CRY1: variants seen among roughly 807,000 people sequenced by gnomAD.
CRY1 encodes the protein cryptochrome-1.
In CRY1, 45 loss-of-function variants were observed where a neutral mutation model predicts 76.0. That is an observed-to-expected ratio of 0.59 (90% CI 0.47 to 0.76). The LOEUF (loss-of-function observed/expected upper bound fraction) is 0.76, where lower values mean the gene tolerates loss of function less well. Ranked by LOEUF, CRY1 falls within the 30% of genes least tolerant of loss-of-function variation. The pLI, the probability that CRY1 is intolerant of heterozygous loss-of-function variation, is 0.00. For synonymous variants in CRY1, 248 were observed against 244.0 expected (o/e 1.02, Z -0.15); for missense variants, 587 against 716.4 (o/e 0.82, Z 2.06).
At chr12:107,062,380 A>G (rs1953058716) in intron 1 of CRY1, among the ~76,000 whole-genome samples, 1 of 152,178 alleles carries the variant, frequency 6.6e-6, no homozygotes, top group African/African-American at 2.4e-5. Context: ...AGGAAGCAAA[A>G]TGTTGACTAC....
chr12:107,042,458 C>T (rs1952808762), intron 1 of CRY1, among the ~76,000 whole-genome samples: 2 of 152,100 alleles, frequency 1.3e-5, no homozygotes, highest in Admixed American at 6.6e-5. Context: ...TACCACATAT[C>T]CCCTGATATA....
chr12:107,001,617 C>CT, intron 4 of CRY1, 147 bp downstream of exon 4: 1 of 706,360 alleles, frequency 1.4e-6, no homozygotes, highest in Non-Finnish European at 2.3e-6. Flanking sequence ...CATATCACTT[C>CT]TTAAAGGGTT....
chr12:107,003,424 G>C (rs2136825116), intron 3 of CRY1, among the ~76,000 whole-genome samples: 1 of 152,278 alleles, frequency 6.6e-6, no homozygotes, highest in African/African-American at 2.4e-5. Context: ...AGGCCTACCA[G>C]GAGAGTTAAG....
chr12:107,043,844 C>T (rs1174194793), intron 1 of CRY1, among the ~76,000 whole-genome samples: 2 of 152,150 alleles, frequency 1.3e-5, no homozygotes, highest in Non-Finnish European at 1.5e-5. Flanking sequence ...TACACAGTTG[C>T]TCATCCTCTA....
At chr12:107,047,787 T>C (rs565552151) in intron 1 of CRY1, among the ~76,000 whole-genome samples, 2 of 152,086 alleles carry the variant, frequency 1.3e-5, no homozygotes, top group Non-Finnish European at 1.5e-5. Context: ...AACAGACTAA[T>C]ACAAACACCT....
chr12:107,029,727 T>C (rs748736449), intron 1 of CRY1, among the ~76,000 whole-genome samples: 4 of 152,202 alleles, frequency 2.6e-5, no homozygotes, highest in Non-Finnish European at 4.4e-5. Flanking sequence ...CACTGATTTA[T>C]GAGTCATACA....
At chr12:107,086,720 T>C (rs1267651005) in intron 1 of CRY1, among the ~76,000 whole-genome samples, 3 of 152,166 alleles carry the variant, frequency 2.0e-5, no homozygotes, top group Admixed American at 6.5e-5. Flanking sequence ...CCATGGAGGT[T>C]TGGCAGCTTC....
At chr12:107,056,235 C>T (rs1038552666) in intron 1 of CRY1, among the ~76,000 whole-genome samples, 3 of 152,292 alleles carry the variant, frequency 2.0e-5, no homozygotes, top group South Asian at 4.1e-4. Context: ...TTAGGGAAGA[C>T]GTGAACCAGA....
In CRY1 at chr12:107,093,417, G is replaced by A. The variant is rs1000611798; in HGVS notation, c.-456C>T. The A allele has an allele frequency of 2.6e-5, 4 of 156,326 alleles. No homozygotes were observed. Among genetic ancestry groups the A allele is most frequent in the Admixed American group, 6.4e-5 (1 of 15,646 alleles). 9.7% of individuals were successfully genotyped at this position (156,326 alleles called of 1,614,324 possible). A position where few individuals can be genotyped will look rare whatever the true frequency, so the allele number is the denominator to read the frequency against. On this transcript the variant is annotated 5_prime_UTR_variant, in exon 1 of 13. Coordinates refer to ENST00000008527, the MANE Select transcript of CRY1 (RefSeq NM_004075.5). Reference sequence around the variant, plus strand: ...GTGAGTCACCGAGGAGAACCGGAGGGGAATGAGCCCCTGTCGGCGACGCTG... The same window carrying A: ...GTGAGTCACCGAGGAGAACCGGAGGAGAATGAGCCCCTGTCGGCGACGCTG...
At chr12:107,063,239 C>T (rs1210607465) in intron 1 of CRY1, among the ~76,000 whole-genome samples, 1 of 152,062 alleles carries the variant, frequency 6.6e-6, no homozygotes, top group Non-Finnish European at 1.5e-5. Context: ...ATTTTTACAT[C>T]CAAGAAGAGG....
intron 1 of CRY1, chr12:107,073,075 T>A (rs1336611765): frequency 4.5e-5 from 6 of 133,768 alleles, no homozygotes. Context: ...CAAAGATTTA[T>A]ATGTGTAAAT....
intron 1 of CRY1, among the ~76,000 whole-genome samples, chr12:107,076,672 T>C (rs183506809): frequency 6.6e-6 from 1 of 152,060 alleles, no homozygotes; most frequent in East Asian, 1.9e-4. Context: ...CTCATGTATC[T>C]TCAAGAAGCT....
At chr12:107,025,244 T>C (rs987929702) in intron 1 of CRY1, among the ~76,000 whole-genome samples, 1 of 152,198 alleles carries the variant, frequency 6.6e-6, no homozygotes, top group Non-Finnish European at 1.5e-5. Flanking sequence ...TTAGCATACA[T>C]TCCTTCAAAG....
At chr12:107,077,125 A>C (rs371893103) in intron 1 of CRY1, among the ~76,000 whole-genome samples, 13 of 152,026 alleles carry the variant, frequency 8.6e-5, no homozygotes, top group African/African-American at 2.9e-4. Context: ...TCTCAGTCTC[A>C]TATCTCACAC....
chr12:107,085,198 C>T (rs1474410179), intron 1 of CRY1, among the ~76,000 whole-genome samples: 2 of 152,320 alleles, frequency 1.3e-5, no homozygotes, highest in East Asian at 3.9e-4. Context: ...AATAGGAACG[C>T]TTTTACACTG....
intron 10 of CRY1, among the ~76,000 whole-genome samples, chr12:106,994,262 C>T (rs1952210032): frequency 6.6e-6 from 1 of 152,162 alleles, no homozygotes; most frequent in Admixed American, 6.5e-5. Flanking sequence ...CGTGTCTTTT[C>T]ACAATTTCCC....
intron 1 of CRY1, among the ~76,000 whole-genome samples, chr12:107,076,029 T>A (rs1953247969): frequency 6.6e-6 from 1 of 152,054 alleles, no homozygotes; most frequent in South Asian, 2.1e-4. Flanking sequence ...GATGCTTATT[T>A]TGAATCCAAG....
intron 1 of CRY1, among the ~76,000 whole-genome samples, chr12:107,069,537 TTATATATATAAAGTATATATATAA>T (rs1953152756): frequency 7.1e-6 from 1 of 140,284 alleles, no homozygotes; most frequent in Non-Finnish European, 1.5e-5. Context: ...TATATATATA[TTATATATATAAAGTATATATATAA>T]TATATATATA....
chr12:107,039,199 A>T (rs1666702278), intron 1 of CRY1, among the ~76,000 whole-genome samples: 1 of 152,208 alleles, frequency 6.6e-6, no homozygotes, highest in Non-Finnish European at 1.5e-5. Flanking sequence ...ATGGATTAAG[A>T]CTTAAATGTA....
Sources: allele counts gnomAD v4.1 joint callset (sites outside exome capture counted in the v4.1 genomes callset), GRCh38; gene constraint gnomAD v4.1.1; transcripts MANE v1.5; gene names NCBI Gene and HGNC (gene_info 2026-07-23, HGNC 2026-07-21).